The following EFNA5 variants were observed in gnomAD, a reference collection of about 807,000 sequenced individuals.
EFNA5 encodes ephrin-A5.
A neutral mutation model predicts 22.9 loss-of-function variants in EFNA5; 5 were observed. That is an observed-to-expected ratio of 0.22 (90% CI 0.11 to 0.46). The LOEUF is 0.46. Among genes scored for constraint, EFNA5 ranks in the 20% least tolerant of loss-of-function variants. The probability of loss-of-function intolerance (pLI) is 0.99; values close to 1 mark genes in which losing one functional copy is unlikely to be tolerated. For synonymous variants in EFNA5, 113 were observed against 112.2 expected (o/e 1.01, Z -0.04); for missense variants, 237 against 293.3 (o/e 0.81, Z 1.40).
chr5:107,598,836 CA>C (rs1230971045), intron 1 of EFNA5, among the ~76,000 whole-genome samples: 2 of 152,098 alleles, frequency 1.3e-5, no homozygotes, highest in Admixed American at 6.6e-5. Context: ...CACTGTATGG[CA>C]AAATTCCACA....
intron 1 of EFNA5, among the ~76,000 whole-genome samples, chr5:107,465,883 G>A (rs942783802): frequency 6.6e-6 from 1 of 152,032 alleles, no homozygotes; most frequent in Admixed American, 6.6e-5. Context: ...ATGAACTCAG[G>A]TTCACGGCTA....
Position 107,420,522 on chromosome 5 carries a change from TAAAAA to T in EFNA5, c.418+6690_418+6694del, listed in dbSNP as rs368304882. ...TACACTTAACCAGAGTCTGTGCTTT[TAAAAA>T]AAAAAAAAAAAAAGAAAAAAAAAAA... is the stretch of plus-strand genomic sequence containing the variant. On this transcript the variant is annotated intron_variant, in intron 2 of 4. Coordinates refer to ENST00000333274, the MANE Select transcript of EFNA5 (RefSeq NM_001962.3). 4.4e-4 allele frequency among the ~76,000 whole-genome samples: 48 copies of T among 109,092 alleles called. No homozygotes were observed. In the South Asian group the frequency reaches 7.7e-3, roughly 17 times the overall value. 71.6% of individuals were successfully genotyped at this position (109,092 alleles called of 152,430 possible). A position where few individuals can be genotyped will look rare whatever the true frequency, so the allele number is the denominator to read the frequency against.
At chr5:107,512,995 AG>A (rs1747404025) in intron 1 of EFNA5, among the ~76,000 whole-genome samples, 1 of 152,188 alleles carries the variant, frequency 6.6e-6, no homozygotes, top group Non-Finnish European at 1.5e-5. Flanking sequence ...TAGTAGAAAG[AG>A]GCTCTGCCCC....
chr5:107,568,001 A>G (rs892623988), intron 1 of EFNA5, among the ~76,000 whole-genome samples: 2 of 152,114 alleles, frequency 1.3e-5, no homozygotes, highest in African/African-American at 2.4e-5. Flanking sequence ...GGCTCAGATG[A>G]TCTTCCCACC....
intron 1 of EFNA5, among the ~76,000 whole-genome samples, chr5:107,644,703 G>GT (rs1181787919): frequency 6.6e-6 from 1 of 151,950 alleles, no homozygotes; most frequent in Non-Finnish European, 1.5e-5. Context: ...TTTCTGTTTT[G>GT]TTTTTTGTTT....
Position 107,435,691 on chromosome 5 carries a change from G to A in EFNA5, c.126-8182C>T, listed in dbSNP as rs535475179. 2.6e-5 allele frequency among the ~76,000 whole-genome samples: 4 copies of A among 152,238 alleles called. 1 individual carries two copies. The South Asian group carries it at 8.3e-4, about 32-fold the overall frequency. On this transcript the variant is annotated intron_variant, in intron 1 of 4. Coordinates refer to ENST00000333274, the MANE Select transcript of EFNA5 (RefSeq NM_001962.3). ...TTCCTAGAGAAGTGAAGGTTCACAA[G>A]TTAAAAAAGTATTCAAGGATAAATT...
intron 1 of EFNA5, among the ~76,000 whole-genome samples, chr5:107,615,457 C>T (rs1464009624): frequency 6.6e-6 from 1 of 152,124 alleles, no homozygotes; most frequent in Non-Finnish European, 1.5e-5. Context: ...TCCCTATTTT[C>T]AGTTAAAATG....
At chr5:107,645,425 A>C (rs1750611800) in intron 1 of EFNA5, among the ~76,000 whole-genome samples, 1 of 152,210 alleles carries the variant, frequency 6.6e-6, no homozygotes, top group South Asian at 2.1e-4. Context: ...AGTGGCATTC[A>C]CTATTCACAT....
At chr5:107,629,262 C>T (rs953559200) in intron 1 of EFNA5, among the ~76,000 whole-genome samples, 4 of 152,178 alleles carry the variant, frequency 2.6e-5, no homozygotes, top group Non-Finnish European at 4.4e-5. Context: ...AAATATTCTA[C>T]ATTTAAAGCA....
chr5:107,436,016 T>C (rs1411940642), intron 1 of EFNA5, among the ~76,000 whole-genome samples: 2 of 152,238 alleles, frequency 1.3e-5, no homozygotes, highest in Non-Finnish European at 2.9e-5. Flanking sequence ...GTGTGCACTT[T>C]AAAAGCAAAA....
chr5:107,586,961 G>T (rs1049717087), intron 1 of EFNA5, among the ~76,000 whole-genome samples: 1 of 152,156 alleles, frequency 6.6e-6, no homozygotes, highest in African/African-American at 2.4e-5. Context: ...ATCTTACATG[G>T]ACACAGAAGG....
chr5:107,665,553 G>C (rs1373448349), intron 1 of EFNA5, among the ~76,000 whole-genome samples: 1 of 152,170 alleles, frequency 6.6e-6, no homozygotes. Flanking sequence ...TGAAGACTCT[G>C]ATACTTTTAA....
At chr5:107,457,261 A>G (rs901096944) in intron 1 of EFNA5, among the ~76,000 whole-genome samples, 1 of 152,138 alleles carries the variant, frequency 6.6e-6, no homozygotes, top group Non-Finnish European at 1.5e-5. Context: ...TCTCCAAAAG[A>G]AAGTTCGTGT....
chr5:107,474,036 T>C (rs1019764950), intron 1 of EFNA5, among the ~76,000 whole-genome samples: 13 of 152,070 alleles, frequency 8.5e-5, no homozygotes, highest in African/African-American at 3.1e-4. Flanking sequence ...AGACAGATTG[T>C]AAACTGATGG....
rs553463482 is a variant in EFNA5 at position 107,425,800 on chromosome 5, A to G, written c.418+1417T>C. Among the ~76,000 whole-genome samples the G allele has an allele frequency of 5.9e-5, 9 of 152,276 alleles. No individual in the cohort carries two copies. The South Asian group carries it at 1.9e-3, about 32-fold the overall frequency. The stretch of plus-strand genomic sequence containing the variant: ...TATTATAAAATTCTGTTTTCTGGAG[A>G]AGGAGAGGAGCTAGAAATCCCTGTA... On this transcript the variant is annotated intron_variant, in intron 2 of 4. Transcript: ENST00000333274.
At chr5:107,406,159 ATT>A (rs1237215874) in intron 2 of EFNA5, among the ~76,000 whole-genome samples, 1 of 147,750 alleles carries the variant, frequency 6.8e-6, no homozygotes, top group Non-Finnish European at 1.5e-5. Context: ...TTGTATACAT[ATT>A]CTATGTATTT....
At chr5:107,517,652 G>T (rs1236452381) in intron 1 of EFNA5, among the ~76,000 whole-genome samples, 1 of 152,192 alleles carries the variant, frequency 6.6e-6, no homozygotes, top group Non-Finnish European at 1.5e-5. Flanking sequence ...AAATTGCGCT[G>T]CATTATGTCT....
At chr5:107,646,200 T>C (rs183368176) in intron 1 of EFNA5, among the ~76,000 whole-genome samples, 1 of 152,290 alleles carries the variant, frequency 6.6e-6, no homozygotes, top group Admixed American at 6.5e-5. Flanking sequence ...ATGATGACTA[T>C]AGTTAGTAAT....
intron 1 of EFNA5, among the ~76,000 whole-genome samples, chr5:107,564,453 G>A (rs772195910): frequency 1.3e-5 from 2 of 152,124 alleles, no homozygotes; most frequent in Non-Finnish European, 2.9e-5. Context: ...TGCAATTAGC[G>A]GATGATACTC....
Sources: gnomAD v4.1 joint callset for allele counts (sites outside exome capture counted in the v4.1 genomes callset) on GRCh38, gnomAD v4.1.1 for gene constraint, MANE v1.5 for transcripts, NCBI Gene and HGNC (gene_info 2026-07-23, HGNC 2026-07-21) for gene names.